Variants in FANCC observed in about 807,000 individuals in gnomAD.
FANCC encodes FA complementation group C, also known as Fanconi anemia group C protein.
A neutral mutation model predicts 71.3 loss-of-function variants in FANCC; 55 were observed. The ratio of observed to expected loss-of-function variants is 0.77; its 90% CI spans 0.62 to 0.97. FANCC has a LOEUF of 0.97. Among genes scored for constraint, FANCC ranks in the 50% least tolerant of loss-of-function variants. The pLI, the probability that FANCC is intolerant of heterozygous loss-of-function variation, is 0.00. For synonymous variants in FANCC, 275 were observed against 244.9 expected, an observed-to-expected ratio of 1.12 and a Z score of -1.15; for missense variants, 678 against 670.9, an observed-to-expected ratio of 1.01 and a Z score of -0.12.
At chr9:95,253,240 G>A (rs557243660) in intron 1 of FANCC, among the ~76,000 whole-genome samples, 1 of 152,154 alleles carries the variant, frequency 6.6e-6, no homozygotes, top group Non-Finnish European at 1.5e-5. Flanking sequence ...GGGAGTGTGG[G>A]TGATGGCTGC....
At chr9:95,182,673 C>T (rs574170642) in intron 4 of FANCC, among the ~76,000 whole-genome samples, 14 of 152,036 alleles carry the variant, frequency 9.2e-5, no homozygotes, top group Non-Finnish European at 7.4e-5. Flanking sequence ...ATAGCCATCA[C>T]GTGAGCCAGC....
At chr9:95,184,190 CATT>C (rs1474731536) in intron 4 of FANCC, among the ~76,000 whole-genome samples, 2 of 151,840 alleles carry the variant, frequency 1.3e-5, no homozygotes, top group Non-Finnish European at 2.9e-5. Flanking sequence ...ATAATTATGG[CATT>C]ATATGTAAAC....
intron 9 of FANCC, among the ~76,000 whole-genome samples, chr9:95,125,636 T>C (rs1285373458): frequency 6.6e-6 from 1 of 152,234 alleles, no homozygotes; most frequent in African/African-American, 2.4e-5. Context: ...TAATTTTTCT[T>C]TATGTTTGTT....
At chr9:95,170,671 T>TGTGTGTGC (rs1252300802) in intron 6 of FANCC, among the ~76,000 whole-genome samples, 6 of 150,944 alleles carry the variant, frequency 4.0e-5, no homozygotes, top group African/African-American at 1.5e-4. Flanking sequence ...TGTGTGTGTG[T>TGTGTGTGC]GTGTGTGTTG....
At chr9:95,182,703 C>T (rs1826451746) in intron 4 of FANCC, among the ~76,000 whole-genome samples, 1 of 152,012 alleles carries the variant, frequency 6.6e-6, no homozygotes, top group Non-Finnish European at 1.5e-5. Flanking sequence ...GCTGGAATGA[C>T]TCTTGGTGAG....
chr9:95,270,593 C>A (rs1359984764), intron 1 of FANCC, among the ~76,000 whole-genome samples: 1 of 152,250 alleles, frequency 6.6e-6, no homozygotes, highest in Non-Finnish European at 1.5e-5. Flanking sequence ...AGGCAAGGAG[C>A]AGGCAGCAGT....
intron 14 of FANCC, among the ~76,000 whole-genome samples, chr9:95,103,679 T>A (rs1352343488): frequency 6.6e-6 from 1 of 152,044 alleles, no homozygotes; most frequent in East Asian, 1.9e-4. Flanking sequence ...ATGGATGGCG[T>A]TCTGGGGAAA....
intron 8 of FANCC, among the ~76,000 whole-genome samples, chr9:95,131,947 T>C (rs1320650367): frequency 6.6e-6 from 1 of 152,256 alleles, no homozygotes; most frequent in Non-Finnish European, 1.5e-5. Flanking sequence ...CTGAGGTATC[T>C]AGATGCTTTT....
intron 6 of FANCC, among the ~76,000 whole-genome samples, chr9:95,163,860 T>TAAAC (rs201707262): frequency 1.3e-5 from 2 of 152,034 alleles, no homozygotes; most frequent in African/African-American, 4.8e-5. Flanking sequence ...AAAACAAAAA[T>TAAAC]AAACAAACAA....
chr9:95,172,160 A>G lies in FANCC; in HGVS notation c.346-13T>C. 6.4e-7 allele frequency: 1 copy of G among 1,552,788 alleles called. No homozygotes were observed. The highest frequency in any genetic ancestry group is 2.3e-5 in the East Asian group (1 of 44,436). ...GAGATAATACACCCTAAAAAACATA[A>G]ACAGAAAAAGTTAACTTCTTTAAAA... On this transcript the variant is annotated splice_polypyrimidine_tract_variant and intron_variant, in intron 4 of 14. Coordinates refer to ENST00000289081, the MANE Select transcript of FANCC (RefSeq NM_000136.3).
At chr9:95,234,626 T>C (rs542853063) in intron 4 of FANCC, among the ~76,000 whole-genome samples, 1 of 152,272 alleles carries the variant, frequency 6.6e-6, no homozygotes. Context: ...CTGGCATAAA[T>C]ATAGTATATT....
intron 4 of FANCC, among the ~76,000 whole-genome samples, chr9:95,176,582 T>C (rs886566325): frequency 1.3e-5 from 2 of 152,254 alleles, no homozygotes; most frequent in Non-Finnish European, 2.9e-5. Flanking sequence ...GTGCTTACAA[T>C]GTGTGAGGCA....
chr9:95,206,234 TA>T (rs760789975), intron 4 of FANCC, among the ~76,000 whole-genome samples: 14 of 152,138 alleles, frequency 9.2e-5, no homozygotes, highest in Non-Finnish European at 1.8e-4. Context: ...TTTTTCAAAT[TA>T]AAAATCCTGA....
intron 11 of FANCC, among the ~76,000 whole-genome samples, chr9:95,116,949 T>G (rs1408608305): frequency 6.6e-6 from 1 of 152,238 alleles, no homozygotes; most frequent in Non-Finnish European, 1.5e-5. Flanking sequence ...GTAGAAAGAA[T>G]GAAAAGCAAA....
chr9:95,248,760 C>T (rs2136098521), intron 2 of FANCC, among the ~76,000 whole-genome samples: 1 of 152,090 alleles, frequency 6.6e-6, no homozygotes, highest in Non-Finnish European at 1.5e-5. Flanking sequence ...TCTCTTAGGA[C>T]AGCCCACTTG....
At position 95,240,537 on chromosome 9, in the gene FANCC, T is replaced by G. The variant is rs1197733026; in HGVS notation, c.345+112A>C. 3 of 724,850 alleles carry G rather than the reference T, an allele frequency of 4.1e-6. No individual in the cohort carries two copies. In the East Asian group the frequency reaches 7.9e-5, roughly 19 times the overall value. The allele number at this position is 724,850 out of a possible 1,614,324, so 44.9% of individuals were successfully genotyped here. On this transcript the variant is annotated intron_variant, in intron 4 of 14. Transcript: ENST00000289081. ...ACAGTGAAGGGTATGTTTGAAAAAG[T>G]TTCTAAAACATCATAGAACTGGATT...
intron 1 of FANCC, chr9:95,293,183 T>C: frequency 3.7e-6 from 6 of 1,612,494 alleles, no homozygotes; most frequent in Non-Finnish European, 5.1e-6. Context: ...AAGCAGACTC[T>C]TTCTTACAAC....
chr9:95,279,149 C>T (rs1422384773), intron 1 of FANCC, among the ~76,000 whole-genome samples: 1 of 152,000 alleles, frequency 6.6e-6, no homozygotes, highest in Non-Finnish European at 1.5e-5. Context: ...AACCCCCCGT[C>T]TCTACTAAAA....
chr9:95,287,130 G>A (rs935997649), intron 1 of FANCC, among the ~76,000 whole-genome samples: 4 of 152,020 alleles, frequency 2.6e-5, no homozygotes, highest in Non-Finnish European at 1.5e-5. Context: ...TGGAAACTAA[G>A]GAAAAGAGAA....
Sources: gnomAD v4.1 joint callset for allele counts (sites outside exome capture counted in the v4.1 genomes callset) on GRCh38, gnomAD v4.1.1 for gene constraint, MANE v1.5 for transcripts, NCBI Gene and HGNC (gene_info 2026-07-23, HGNC 2026-07-21) for gene names.